The following ARHGEF38 variants were observed in gnomAD, a reference collection of about 807,000 sequenced individuals.
ARHGEF38 encodes the protein Rho guanine nucleotide exchange factor (GEF) 38.
In ARHGEF38, 79 loss-of-function variants were observed where a neutral mutation model predicts 79.9. That is an observed-to-expected ratio of 0.99 (90% confidence interval 0.82 to 1.19). The LOEUF is 1.19. Among genes scored for constraint, ARHGEF38 ranks in the 50% most tolerant of loss-of-function variants. ARHGEF38 has a pLI of 0.00. For missense variants in ARHGEF38, 962 were observed against 907.2 expected (o/e 1.06, Z -0.78); for synonymous variants, 366 against 328.3 (o/e 1.11, Z -1.24).
chr4:105,632,345 A>T (rs1274892928), intron 4 of ARHGEF38, among the ~76,000 whole-genome samples: 1 of 152,222 alleles, frequency 6.6e-6, no homozygotes, highest in Non-Finnish European at 1.5e-5. Context: ...ATACAAAAGT[A>T]AATAAGACTT....
intron 10 of ARHGEF38, among the ~76,000 whole-genome samples, chr4:105,660,948 C>T (rs562948995): frequency 3.9e-4 from 60 of 152,124 alleles, no homozygotes; most frequent in Non-Finnish European, 2.4e-4. Context: ...AGAACATTGT[C>T]GTGGCCCCCT....
At chr4:105,655,189 T>G (rs1432306033) in intron 8 of ARHGEF38, among the ~76,000 whole-genome samples, 1 of 152,228 alleles carries the variant, frequency 6.6e-6, no homozygotes, top group Non-Finnish European at 1.5e-5. Flanking sequence ...CAGGAAAGTC[T>G]TCTATTTCCA....
intron 1 of ARHGEF38, 40 bp from the exon 2 acceptor site, chr4:105,589,208 T>G: frequency 6.5e-7 from 1 of 1,534,538 alleles, no homozygotes; most frequent in Non-Finnish European, 8.8e-7. Context: ...AAAAGAAACC[T>G]CAGCAGAATG....
chr4:105,599,664 G>C lies in ARHGEF38; in HGVS notation c.384+10229G>C, dbSNP rs190931319. On this transcript the variant is annotated intron_variant, in intron 2 of 13. Transcript: ENST00000420470. ...GTTGAGACAGCTTTATTCAGGCATA[G>C]GTCAAAATAGCCATGCATATCAGTA... Among the ~76,000 whole-genome samples, 7 of 152,174 alleles carry C rather than the reference G, an allele frequency of 4.6e-5. No homozygotes were observed. The East Asian group carries it at 1.3e-3, about 29-fold the overall frequency.
At chr4:105,611,966 G>A (rs923341715) in intron 2 of ARHGEF38, among the ~76,000 whole-genome samples, 1 of 152,046 alleles carries the variant, frequency 6.6e-6, no homozygotes, top group African/African-American at 2.4e-5. Context: ...CAAGATGGTT[G>A]AAAGACTTGT....
chr4:105,588,187 C>T (rs945009871), intron 1 of ARHGEF38, among the ~76,000 whole-genome samples: 5 of 152,160 alleles, frequency 3.3e-5, no homozygotes, highest in Non-Finnish European at 5.9e-5. Flanking sequence ...GTGACCTGTA[C>T]ATTTATTTTT....
chr4:105,606,070 G>A (rs1008104889), intron 2 of ARHGEF38, among the ~76,000 whole-genome samples: 11 of 152,070 alleles, frequency 7.2e-5, no homozygotes, highest in Middle Eastern at 3.2e-3. Flanking sequence ...GTTGTGTGTG[G>A]AACTGTCCTA....
At chr4:105,609,458 G>A (rs1026341355) in intron 2 of ARHGEF38, among the ~76,000 whole-genome samples, 5 of 151,922 alleles carry the variant, frequency 3.3e-5, no homozygotes, top group Admixed American at 6.6e-5. Context: ...ATTTGAAGAA[G>A]ACATGGATAA....
In ARHGEF38 at chr4:105,601,387, GATTCCT is replaced by G. The variant is rs1252194540; in HGVS notation, c.384+11953_384+11958del. Among the ~76,000 whole-genome samples, 3 of 152,078 alleles carry G rather than the reference GATTCCT, an allele frequency of 2.0e-5. No individual in the cohort carries two copies. The South Asian group carries it at 6.2e-4, about 32-fold the overall frequency. On this transcript the variant is annotated intron_variant, in intron 2 of 13. Transcript: ENST00000420470. ...CACCACCTCAATCTATCTTAGACTG[GATTCCT>G]CAGAAGCAGAGCCTGATAAAAGGAT...
In ARHGEF38 at chr4:105,621,955, G is replaced by C. The variant is rs190844775; in HGVS notation, c.508+8448G>C. 2.2e-4 allele frequency among the ~76,000 whole-genome samples: 34 copies of C among 152,196 alleles called. 1 individual carries two copies. The highest frequency in any genetic ancestry group is 1.6e-3 in the Admixed American group (25 of 15,272). ...GTCCGCTTTGGAGAAAATGACAATG[G>C]GGAAATGGTATTTTCAGGATCAAGG... On this transcript the variant is annotated intron_variant, in intron 3 of 13. Transcript: ENST00000420470.
chr4:105,638,766 C>CAA (rs1729502407), intron 5 of ARHGEF38, among the ~76,000 whole-genome samples: 2 of 152,070 alleles, frequency 1.3e-5, no homozygotes, highest in African/African-American at 4.8e-5. Flanking sequence ...AATATCTTTC[C>CAA]ATGTCAGTAA....
At chr4:105,607,687 C>T (rs1400225493) in intron 2 of ARHGEF38, among the ~76,000 whole-genome samples, 2 of 151,974 alleles carry the variant, frequency 1.3e-5, no homozygotes, top group Non-Finnish European at 2.9e-5. Context: ...GAAATGTTTC[C>T]TAGAGAAAGT....
At chr4:105,617,076 G>A (rs75331300) in intron 3 of ARHGEF38, among the ~76,000 whole-genome samples, 13 of 152,298 alleles carry the variant, frequency 8.5e-5, no homozygotes, top group Non-Finnish European at 1.6e-4. Flanking sequence ...TTATATCAAT[G>A]TGAGCAGATG....
intron 10 of ARHGEF38, among the ~76,000 whole-genome samples, chr4:105,665,549 G>A (rs544623529): frequency 1.3e-5 from 2 of 151,940 alleles, no homozygotes; most frequent in South Asian, 4.2e-4. Context: ...TGATCTTCTG[G>A]CCTCAGCTTC....
intron 1 of ARHGEF38, among the ~76,000 whole-genome samples, chr4:105,568,678 G>T (rs1256429162): frequency 1.3e-5 from 2 of 152,084 alleles, no homozygotes; most frequent in Non-Finnish European, 1.5e-5. Flanking sequence ...TTCTTGTGTT[G>T]TATTATCTTT....
At chr4:105,630,764 C>A (rs1484525615) in intron 3 of ARHGEF38, 134 bp from the exon 4 acceptor site, 2 of 614,104 alleles carry the variant, frequency 3.3e-6, no homozygotes, top group Admixed American at 3.5e-5. Context: ...ATGTTTTCCA[C>A]CCTCCCTGAA....
chr4:105,560,924 ACC>A (rs1725487311), intron 1 of ARHGEF38, among the ~76,000 whole-genome samples: 6 of 152,234 alleles, frequency 3.9e-5, no homozygotes, highest in Admixed American at 2.6e-4. Flanking sequence ...GACATTGTTT[ACC>A]TCTCTCAGAT....
intron 5 of ARHGEF38, among the ~76,000 whole-genome samples, chr4:105,640,154 C>A (rs920968327): frequency 4.6e-5 from 7 of 152,060 alleles, no homozygotes; most frequent in Non-Finnish European, 1.0e-4. Flanking sequence ...ACAACAAACA[C>A]ACACACAAAC....
At position 105,667,282 on chromosome 4, in the gene ARHGEF38, A is replaced by G; in HGVS notation, c.1843A>G (p.Lys615Glu). Residue 615 changes from lysine (K) to glutamate (E), a missense_variant, in exon 12 of 14, where the codon AAA becomes GAA. Physicochemically the swap from Lys to Glu is moderately conservative, Grantham distance 56 (BLOSUM62 1). Transcript: ENST00000420470. ...EGDLVAVIEQ[K>E]DPLGSTSRWL... The stretch of plus-strand genomic sequence containing the variant: ...AGACTTGGTGGCTGTGATAGAACAG[A>G]AAGATCCACTGGGGAGTACAAGCAG... 6 of 1,536,198 alleles carry G rather than the reference A, an allele frequency of 3.9e-6. No homozygotes were observed. The South Asian group carries it at 5.9e-5, about 15-fold the overall frequency.
Sources: gnomAD v4.1 joint callset for allele counts (sites outside exome capture counted in the v4.1 genomes callset) on GRCh38, gnomAD v4.1.1 for gene constraint, MANE v1.5 for transcripts, NCBI Gene and HGNC (gene_info 2026-07-23, HGNC 2026-07-21) for gene names.